Variants in DNER observed in about 807,000 individuals in gnomAD.
DNER encodes the protein delta and Notch-like epidermal growth factor-related receptor.
A neutral mutation model predicts 78.2 loss-of-function variants in DNER; 33 were observed. The ratio of observed to expected loss-of-function variants is 0.42; its 90% CI spans 0.32 to 0.56. The LOEUF is 0.56. DNER is among the 20% of genes least tolerant of loss of function. The pLI is 0.11. For synonymous variants in DNER, 417 were observed against 384.8 expected (o/e 1.08, Z -0.98); for missense variants, 918 against 975.3 (o/e 0.94, Z 0.78).
At chr2:229,477,278 T>A in intron 6 of DNER, 25 bp from the exon 7 acceptor site, 1 of 1,578,622 alleles carries the variant, frequency 6.3e-7, no homozygotes. Context: ...ATGTACATTT[T>A]ATAAAATAAG....
At chr2:229,554,857 A>AAGAGAAGAGAAGAG (rs1696819965) in intron 4 of DNER, among the ~76,000 whole-genome samples, 1 of 51,196 alleles carries the variant, frequency 2.0e-5, no homozygotes, top group Non-Finnish European at 3.8e-5. Context: ...CCTGAAAGGA[A>AAGAGAAGAGAAGAG]AAGAGAAGAG....
intron 4 of DNER, 75 bp from the exon 5 acceptor site, chr2:229,547,167 C>T: frequency 1.3e-6 from 2 of 1,567,904 alleles, no homozygotes; most frequent in South Asian, 1.2e-5. Context: ...GCTTTACCAA[C>T]AGCCTTTCTA....
In DNER at chr2:229,617,562, A is replaced by G. The variant is rs140306530; in HGVS notation, c.277-25674T>C. Among the ~76,000 whole-genome samples, 745 of 152,294 alleles carry G rather than the reference A, an allele frequency of 4.9e-3. 7 individuals are homozygous for G. Among genetic ancestry groups the G allele is most frequent in the African/African-American group, 0.016 (663 of 41,564 alleles). On this transcript the variant is annotated intron_variant, in intron 1 of 12. Transcript: ENST00000341772. ...TTTCTAACACACAAAAAAAAAGTTTATATTTTTTGCTGATATTGTAAGTCA... is the reference window on the plus strand; with the variant it reads ...TTTCTAACACACAAAAAAAAAGTTTGTATTTTTTGCTGATATTGTAAGTCA...
At chr2:229,585,512 G>A (rs2154214434) in intron 4 of DNER, among the ~76,000 whole-genome samples, 1 of 152,068 alleles carries the variant, frequency 6.6e-6, no homozygotes, top group East Asian at 1.9e-4. Flanking sequence ...AATGCAAAAT[G>A]AGCCGAGCAT....
intron 4 of DNER, among the ~76,000 whole-genome samples, chr2:229,559,923 G>A (rs1313320955): frequency 1.3e-5 from 2 of 152,140 alleles, no homozygotes; most frequent in Non-Finnish European, 2.9e-5. Context: ...TCCAAGCTGT[G>A]CTCATTAGGA....
intron 8 of DNER, among the ~76,000 whole-genome samples, chr2:229,446,640 A>G (rs1694349110): frequency 6.6e-6 from 1 of 152,238 alleles, no homozygotes. Flanking sequence ...TGCCCCGTGC[A>G]TTCCTTTCTG....
At chr2:229,433,068 T>G (rs971620030) in intron 8 of DNER, among the ~76,000 whole-genome samples, 1 of 152,066 alleles carries the variant, frequency 6.6e-6, no homozygotes, top group Admixed American at 6.5e-5. Context: ...GCCTCCTGAG[T>G]AGCTGGGATT....
At chr2:229,387,877 GTGTGTGTGTGTGTGTT>G (rs1268047669) in intron 11 of DNER, among the ~76,000 whole-genome samples, 1 of 124,424 alleles carries the variant, frequency 8.0e-6, no homozygotes, top group Non-Finnish European at 1.9e-5. Context: ...GTGTGTGTGT[GTGTGTGTGTGTGTGTT>G]TTTTAATTTT....
intron 1 of DNER, among the ~76,000 whole-genome samples, chr2:229,664,411 G>C (rs930709019): frequency 6.6e-6 from 1 of 152,156 alleles, no homozygotes; most frequent in East Asian, 1.9e-4. Flanking sequence ...GGGAGGCCAA[G>C]ATTGGAGGAT....
chr2:229,383,991 A>G (rs1692804549), intron 11 of DNER, among the ~76,000 whole-genome samples: 1 of 152,188 alleles, frequency 6.6e-6, no homozygotes, highest in Admixed American at 6.5e-5. Context: ...TTATTCTAAG[A>G]TTGACCACAT....
At chr2:229,693,189 A>G (rs545053794) in intron 1 of DNER, among the ~76,000 whole-genome samples, 11 of 151,956 alleles carry the variant, frequency 7.2e-5, no homozygotes, top group African/African-American at 2.7e-4. Context: ...ATGGTTTTAT[A>G]CGGGACTTTT....
chr2:229,432,376 TGGGA>T (rs1349098549), intron 8 of DNER, among the ~76,000 whole-genome samples: 3 of 151,770 alleles, frequency 2.0e-5, no homozygotes, highest in African/African-American at 7.3e-5. Context: ...AACAAATGGG[TGGGA>T]GGGGGGAAAA....
chr2:229,591,530 T>G lies in DNER; in HGVS notation c.585+50A>C. On this transcript the variant is annotated intron_variant, in intron 2 of 12. Transcript: ENST00000341772. This position sits in a 1 kb window ranked among gnomAD's most constrained non-coding sequence, Gnocchi z 4.6. ...GATACTAGAACCGCTGGAGTCACTT[T>G]AAGATTTCTGGTTTCTAATGTAAAA... The G allele has an allele frequency of 6.4e-7, 1 of 1,553,954 alleles. No homozygotes were observed. Among genetic ancestry groups the G allele is most frequent in the Non-Finnish European group, 8.7e-7 (1 of 1,150,606 alleles).
chr2:229,366,846 A>G (rs751453763), intron 12 of DNER, 27 bp downstream of exon 12: 2 of 1,613,038 alleles, frequency 1.2e-6, no homozygotes, highest in South Asian at 1.1e-5. Context: ...TGAAGGCAGC[A>G]TTCCCCACGC....
intron 1 of DNER, among the ~76,000 whole-genome samples, chr2:229,635,472 T>A (rs1698514986): frequency 1.3e-5 from 2 of 152,048 alleles, no homozygotes; most frequent in Non-Finnish European, 2.9e-5. Context: ...ATTAGATGTC[T>A]GCAGCATTTA....
intron 4 of DNER, among the ~76,000 whole-genome samples, chr2:229,582,619 T>G (rs1697421305): frequency 6.6e-6 from 1 of 152,158 alleles, no homozygotes; most frequent in South Asian, 2.1e-4. Flanking sequence ...GGGAAAAGAA[T>G]TCCTTAACAT....
At chr2:229,366,594 G>A (rs953010401) in intron 12 of DNER, among the ~76,000 whole-genome samples, 6 of 152,130 alleles carry the variant, frequency 3.9e-5, no homozygotes, top group East Asian at 1.9e-4. Context: ...AATATACAGC[G>A]ATTACGAATC....
At chr2:229,653,964 C>CATTATT (rs150861082) in intron 1 of DNER, among the ~76,000 whole-genome samples, 4 of 151,726 alleles carry the variant, frequency 2.6e-5, no homozygotes, top group Admixed American at 6.6e-5. Context: ...TTGTCTTTTT[C>CATTATT]ATTATTATTA....
intron 5 of DNER, among the ~76,000 whole-genome samples, chr2:229,534,337 A>G (rs1696364552): frequency 6.6e-6 from 1 of 152,068 alleles, no homozygotes; most frequent in Non-Finnish European, 1.5e-5. Flanking sequence ...ATTGTAATGT[A>G]ACAGACCAAT....
Sources: gnomAD v4.1 joint callset for allele counts (sites outside exome capture counted in the v4.1 genomes callset) on GRCh38, gnomAD v4.1.1 for gene constraint, Gnocchi (gnomAD v3.1) non-coding constraint, MANE v1.5 for transcripts, NCBI Gene and HGNC (gene_info 2026-07-23, HGNC 2026-07-21) for gene names.